Variants in DCC observed in about 807,000 individuals in gnomAD.
The protein encoded by DCC is netrin receptor DCC.
DCC carries 58 observed loss-of-function variants against 172.5 expected under a neutral mutation model. The observed-to-expected ratio is 0.34, with a 90% CI of 0.27 to 0.42. The LOEUF is 0.42. DCC is among the 10% of genes least tolerant of loss of function. DCC has a pLI of 1.00. For synonymous variants in DCC, 709 were observed against 644.5 expected, an observed-to-expected ratio of 1.10 and a Z score of -1.52; for missense variants, 1,740 against 1,791.0, an observed-to-expected ratio of 0.97 and a Z score of 0.51.
chr18:52,864,581 C>CACGTTACATAGGTATACAT, intron 2 of DCC, among the ~76,000 whole-genome samples: 1 of 152,004 alleles, frequency 6.6e-6, no homozygotes, highest in African/African-American at 2.4e-5. Flanking sequence ...TGGGTATACA[C>CACGTTACATAGGTATACAT]ACGTTACATA....
chr18:53,342,783 T>C (rs1389662473), intron 15 of DCC, among the ~76,000 whole-genome samples: 1 of 124,006 alleles, frequency 8.1e-6, no homozygotes, highest in Non-Finnish European at 1.8e-5. Flanking sequence ...ATATATATAT[T>C]TGAATATATG....
Position 53,346,091 on chromosome 18 carries a change from T to A in DCC, c.2359+6184T>A, listed in dbSNP as rs1041486816. Among the ~76,000 whole-genome samples, 6 of 152,232 alleles carry A rather than the reference T, an allele frequency of 3.9e-5. No individual in the cohort carries two copies. In the East Asian group the frequency reaches 1.2e-3, roughly 29 times the overall value. On this transcript the variant is annotated intron_variant, in intron 15 of 28. Transcript: ENST00000442544. Reference sequence around the variant, plus strand: ...TCACTGCAGCCTTGACCTCCCAGGCTCAAGTAATCCTGCTGCCTCAGCCTC... The same window carrying A: ...TCACTGCAGCCTTGACCTCCCAGGCACAAGTAATCCTGCTGCCTCAGCCTC...
At chr18:52,406,207 A>G (rs1321550907) in intron 1 of DCC, among the ~76,000 whole-genome samples, 2 of 151,280 alleles carry the variant, frequency 1.3e-5, no homozygotes, top group Non-Finnish European at 2.9e-5. Context: ...TAGACCTAAA[A>G]CCATAAAAAC....
At chr18:52,636,688 C>T (rs926473891) in intron 1 of DCC, among the ~76,000 whole-genome samples, 3 of 152,168 alleles carry the variant, frequency 2.0e-5, no homozygotes, top group African/African-American at 7.2e-5. Flanking sequence ...AGAGTCTGAA[C>T]TCAGACACGC....
chr18:53,172,375 C>A (rs117726941), intron 8 of DCC, among the ~76,000 whole-genome samples: 1,853 of 152,192 alleles, frequency 0.012, 26 homozygotes, highest in Middle Eastern at 0.02. Context: ...ATACTTACTA[C>A]CTGGTCATGA....
intron 21 of DCC, among the ~76,000 whole-genome samples, chr18:53,426,140 C>T (rs9964828): frequency 0.037 from 5,592 of 150,842 alleles, 361 homozygotes; most frequent in African/African-American, 0.13. Flanking sequence ...AGTTTTTGTC[C>T]ACTCTCCCTT....
chr18:52,801,393 T>G (rs2037982053), intron 2 of DCC, among the ~76,000 whole-genome samples: 1 of 152,216 alleles, frequency 6.6e-6, no homozygotes, highest in Admixed American at 6.5e-5. Flanking sequence ...TTATATGGAT[T>G]AACTCAATTT....
chr18:52,916,919 C>A (rs1024178497), intron 3 of DCC, among the ~76,000 whole-genome samples: 5 of 151,768 alleles, frequency 3.3e-5, no homozygotes, highest in Non-Finnish European at 7.4e-5. Flanking sequence ...TACCACTATA[C>A]TCAATAATAA....
intron 11 of DCC, among the ~76,000 whole-genome samples, chr18:53,212,121 C>A (rs8099278): frequency 2.9e-4 from 44 of 152,122 alleles, no homozygotes; most frequent in African/African-American, 9.2e-4. Flanking sequence ...GGGAGGAATT[C>A]AAGTGCCTGT....
chr18:53,376,209 T>A (rs1473552923), intron 15 of DCC, among the ~76,000 whole-genome samples: 9 of 151,818 alleles, frequency 5.9e-5, no homozygotes, highest in African/African-American at 2.2e-4. Flanking sequence ...CTGGCCAACA[T>A]GGTGAAACAC....
At chr18:52,547,374 G>C (rs997077187) in intron 1 of DCC, among the ~76,000 whole-genome samples, 1 of 152,146 alleles carries the variant, frequency 6.6e-6, no homozygotes, top group African/African-American at 2.4e-5. Flanking sequence ...ATCAATTGCT[G>C]CTGGATATGC....
chr18:53,223,291 T>C (rs1025080129), intron 12 of DCC, among the ~76,000 whole-genome samples: 1 of 152,200 alleles, frequency 6.6e-6, no homozygotes, highest in Non-Finnish European at 1.5e-5. Context: ...TCACTGCCAT[T>C]GAGTATACTT....
At chr18:53,010,997 ATAG>A (rs1307147750) in intron 5 of DCC, among the ~76,000 whole-genome samples, 6 of 151,470 alleles carry the variant, frequency 4.0e-5, no homozygotes, top group South Asian at 4.2e-4. Flanking sequence ...TTGATATTAA[ATAG>A]TAGCACTTAC....
At chr18:53,179,980 G>T (rs1167508094) in intron 9 of DCC, among the ~76,000 whole-genome samples, 1 of 152,122 alleles carries the variant, frequency 6.6e-6, no homozygotes, top group Admixed American at 6.6e-5. Context: ...AACAAAATTT[G>T]TAATGATATT....
At chr18:52,741,484 A>T (rs2036821600) in intron 1 of DCC, among the ~76,000 whole-genome samples, 1 of 152,132 alleles carries the variant, frequency 6.6e-6, no homozygotes, top group Non-Finnish European at 1.5e-5. Context: ...ACGTCCCTCT[A>T]CATGGTGGAT....
At chr18:52,859,093 G>A (rs1183984948) in intron 2 of DCC, among the ~76,000 whole-genome samples, 1 of 151,910 alleles carries the variant, frequency 6.6e-6, no homozygotes, top group Non-Finnish European at 1.5e-5. Flanking sequence ...TTGAACCCAG[G>A]AGTTTGAGAA....
intron 2 of DCC, among the ~76,000 whole-genome samples, chr18:52,819,483 G>T (rs188983590): frequency 2.6e-5 from 4 of 152,082 alleles, no homozygotes; most frequent in African/African-American, 4.8e-5. Flanking sequence ...TTTATTTCAT[G>T]ATGTCTGCAA....
chr18:52,754,138 T>C (rs906368887), intron 2 of DCC: 1 of 152,200 alleles, frequency 6.6e-6, no homozygotes, highest in African/African-American at 2.4e-5. Flanking sequence ...TTTTCATCAA[T>C]AACAGGACAA....
intron 1 of DCC, among the ~76,000 whole-genome samples, chr18:52,495,047 T>C (rs2144612656): frequency 6.6e-6 from 1 of 152,224 alleles, no homozygotes; most frequent in African/African-American, 2.4e-5. Flanking sequence ...CCTTTGTTTC[T>C]AGGATGGAGT....
Sources: gnomAD v4.1 joint callset for allele counts (sites outside exome capture counted in the v4.1 genomes callset) on GRCh38, gnomAD v4.1.1 for gene constraint, MANE v1.5 for transcripts, NCBI Gene and HGNC (gene_info 2026-07-23, HGNC 2026-07-21) for gene names.